Variants in SYNE2 observed in about 807,000 individuals in gnomAD.
SYNE2 encodes spectrin repeat containing nuclear envelope protein 2, also known as nesprin-2.
In SYNE2, 431 loss-of-function variants were observed where a neutral mutation model predicts 856.3. The observed-to-expected ratio is 0.50, with a 90% CI of 0.47 to 0.55. The LOEUF (loss-of-function observed/expected upper bound fraction) is 0.55. Among genes scored for constraint, SYNE2 ranks in the 20% least tolerant of loss-of-function variants. The pLI is 0.00. For synonymous variants in SYNE2, 2,923 were observed against 2,872.3 expected (o/e 1.02, Z -0.56); for missense variants, 8,129 against 8,023.2 (o/e 1.01, Z -0.50).
chr14:63,935,874 C>CATT (rs917081205), intron 2 of SYNE2, among the ~76,000 whole-genome samples: 38 of 151,938 alleles, frequency 2.5e-4, no homozygotes, highest in African/African-American at 5.5e-4. Context: ...GAAAACAAAA[C>CATT]ATTATTATTA....
chr14:63,845,823 C>A (rs1457977635), intron 1 of SYNE2, among the ~76,000 whole-genome samples: 2 of 151,074 alleles, frequency 1.3e-5, no homozygotes, highest in African/African-American at 4.9e-5. Context: ...TCACTGCAAC[C>A]TTCACCTCCC....
intron 1 of SYNE2, among the ~76,000 whole-genome samples, chr14:63,906,684 C>T (rs1292417240): frequency 6.6e-6 from 1 of 152,162 alleles, no homozygotes; most frequent in East Asian, 1.9e-4. Context: ...TGGATCTTCT[C>T]AGAGACATTC....
At chr14:64,032,553 C>G (rs533367829) in intron 45 of SYNE2, among the ~76,000 whole-genome samples, 1 of 99,630 alleles carries the variant, frequency 1.0e-5, no homozygotes, top group African/African-American at 3.9e-5. Context: ...CAGAGTGAGA[C>G]CCTATCTCTA....
intron 53 of SYNE2, chr14:64,075,612 TTTTG>T: frequency 5.0e-6 from 1 of 200,348 alleles, no homozygotes; most frequent in Non-Finnish European, 1.0e-5. Flanking sequence ...TTTTTTTTTT[TTTTG>T]CTGCTTGCAG....
intron 107 of SYNE2, 89 bp downstream of exon 107, chr14:64,215,443 C>T: frequency 7.6e-7 from 1 of 1,313,504 alleles, no homozygotes; most frequent in Non-Finnish European, 1.1e-6. Context: ...GTGTCTACCT[C>T]TGCCTTCTGT....
chr14:63,835,171 G>A (rs1889807105), intron 1 of SYNE2, among the ~76,000 whole-genome samples: 1 of 152,186 alleles, frequency 6.6e-6, no homozygotes, highest in African/African-American at 2.4e-5. Context: ...TCATGGATAT[G>A]TAATTATTGT....
intron 30 of SYNE2, among the ~76,000 whole-genome samples, chr14:64,006,132 G>A (rs984586508): frequency 2.6e-5 from 4 of 152,198 alleles, no homozygotes; most frequent in African/African-American, 7.2e-5. Flanking sequence ...GGAGTGAATT[G>A]AAGAGAAAAT....
chr14:64,074,074 A>G lies in SYNE2; in HGVS notation c.10804A>G (p.Thr3602Ala). The G allele has an allele frequency of 6.2e-7, 1 of 1,614,238 alleles. No individual in the cohort carries two copies. Among genetic ancestry groups the G allele is most frequent in the Middle Eastern group, 1.6e-4 (1 of 6,062 alleles). ...IIALKNFFQQTTTSFQNMAFQ... is the reference protein window; with the variant it reads ...IIALKNFFQQATTSFQNMAFQ... ...TGCTTTGAAGAATTTCTTTCAACAG[A>G]CCACAACTTCATTCCAAAATATGGC... Residue 3602 changes from threonine to alanine, a missense_variant, in exon 53 of 116, where the codon ACC (threonine) becomes GCC (alanine). Thr to Ala is a moderately conservative substitution (Grantham distance 58). Around this residue, in one of 3 missense-constraint regions of SYNE2, gnomAD observed 5,410 missense variants for 5,284.8 expected, o/e 1.02. Transcript: ENST00000555002.
intron 1 of SYNE2, among the ~76,000 whole-genome samples, chr14:63,856,537 CAT>C (rs1312309253): frequency 6.6e-6 from 1 of 152,170 alleles, no homozygotes; most frequent in Non-Finnish European, 1.5e-5. Context: ...AAATTGGAAA[CAT>C]ACAATCATTT....
At position 64,223,275 on chromosome 14, in the gene SYNE2, A is replaced by G; in HGVS notation, c.20277A>G (p.Gly6759=). ...ACAGCCTTCTCATTAAGGGACATGG[A>G]GAAGACTGTATTGAAGCTGAAGAAA... The part of the protein sequence containing the change: ...ISNSLLIKGH[G]EDCIEAEEKV... The change falls in exon 113 of 116, where the codon GGA becomes GGG. Residue 6759 remains glycine (G), a synonymous_variant. Coordinates refer to ENST00000555002, the MANE Select transcript of SYNE2 (RefSeq NM_182914.3). 1 of 1,614,218 alleles carries G rather than the reference A, an allele frequency of 6.2e-7. No individual in the cohort carries two copies. The highest frequency in any genetic ancestry group is 1.3e-5 in the African/African-American group (1 of 75,062).
chr14:64,022,604 A>G lies in SYNE2; in HGVS notation c.5525-147A>G, dbSNP rs1188390071. The G allele has an allele frequency of 1.5e-5, 10 of 677,606 alleles. No individual in the cohort carries two copies. In the Admixed American group the frequency reaches 1.6e-4, roughly 11 times the overall value. 42.0% of individuals were successfully genotyped at this position (677,606 alleles called of 1,614,324 possible). A position where few individuals can be genotyped will look rare whatever the true frequency, so the allele number is the denominator to read the frequency against. ...GGTGAAACCTTGTCTAGGCTTTATT[A>G]GCCCTCAAAATTGGGTTTCAGAGGT... On this transcript the variant is annotated intron_variant, in intron 37 of 115. Transcript: ENST00000555002.
At chr14:63,872,226 C>T (rs751153877) in intron 1 of SYNE2, among the ~76,000 whole-genome samples, 8 of 150,962 alleles carry the variant, frequency 5.3e-5, no homozygotes, top group Admixed American at 2.0e-4. Flanking sequence ...GTCAGGAGTT[C>T]GAGACCATCT....
intron 1 of SYNE2, among the ~76,000 whole-genome samples, chr14:63,788,530 C>T (rs1887622660): frequency 6.6e-6 from 1 of 152,072 alleles, no homozygotes; most frequent in South Asian, 2.1e-4. Context: ...TGGGTGGCTA[C>T]AGCCTGTCCA....
At chr14:64,149,171 G>A (rs2098217645) in intron 84 of SYNE2, among the ~76,000 whole-genome samples, 1 of 151,646 alleles carries the variant, frequency 6.6e-6, no homozygotes, top group Non-Finnish European at 1.5e-5. Context: ...TGGGCATAGT[G>A]TTGCACACCT....
chr14:64,031,191 A>T lies in SYNE2; in HGVS notation c.7055A>T (p.Glu2352Val), dbSNP rs752190689. 6.2e-7 allele frequency: 1 copy of T among 1,614,090 alleles called. No homozygotes were observed. The highest frequency in any genetic ancestry group is 1.7e-5 in the Admixed American group (1 of 60,004). Reference sequence around the variant, plus strand: ...AACAGGCTTGCATCTGCTAAGCAGGAGATGGAATGTTGTCTCAACAGCATT... The same window carrying T: ...AACAGGCTTGCATCTGCTAAGCAGGTGATGGAATGTTGTCTCAACAGCATT... ...LENRLASAKQ[E>V]MECCLNSILK... Residue 2352 changes from glutamate to valine, a missense_variant, in exon 45 of 116, where the codon GAG becomes GTG. By Grantham distance (121) the Glu-to-Val change is moderately radical. Around this residue, in one of 3 missense-constraint regions of SYNE2, gnomAD observed 297 missense variants for 380.9 expected, o/e 0.78. Transcript: ENST00000555002.
At chr14:64,115,608 C>G (rs1167967939) in intron 66 of SYNE2, among the ~76,000 whole-genome samples, 1 of 152,060 alleles carries the variant, frequency 6.6e-6, no homozygotes, top group African/African-American at 2.4e-5. Context: ...TTAAAATATG[C>G]TTATTTGGGC....
At position 64,199,730 on chromosome 14, in the gene SYNE2, A is replaced by AAAAT. The variant is rs1567622147; in HGVS notation, c.18039-3068_18039-3067insTAAA. On this transcript the variant is annotated intron_variant, in intron 99 of 115. Coordinates refer to ENST00000555002, the MANE Select transcript of SYNE2 (RefSeq NM_182914.3). ...CTCTGTCTCAAAAAAAAAAAAAAAA[A>AAAAT]AAAAAAGTACATGAGTTGCTAACAT... is the stretch of plus-strand genomic sequence containing the variant. Among the ~76,000 whole-genome samples, 647 of 151,668 alleles carry AAAAT rather than the reference A, an allele frequency of 4.3e-3. 9 individuals carry two copies. The highest frequency in any genetic ancestry group is 0.015 in the African/African-American group (622 of 41,194).
intron 64 of SYNE2, among the ~76,000 whole-genome samples, 162 bp from the exon 65 acceptor site, chr14:64,107,329 A>T (rs574976807): frequency 1.3e-5 from 2 of 152,272 alleles, no homozygotes; most frequent in East Asian, 3.9e-4. Flanking sequence ...GGGGAAGCTG[A>T]TTTTTTCCCT....
At position 64,216,345 on chromosome 14, in the gene SYNE2, A is replaced by G. The variant is rs1237787599; in HGVS notation, c.19500A>G (p.Pro6500=). 6.2e-7 allele frequency: 1 copy of G among 1,614,120 alleles called. No homozygotes were observed. ...AAATGGAAGGTGACAGGAATGTTCC[A>G]CCTGTTCCCCCTGCGTCCAGCACCC... ...YKQMEGDRNV[P]PVPPASSTPY... is the part of the protein sequence containing the mutation. The change falls in exon 108 of 116, where the codon CCA becomes CCG. Residue 6500 remains proline (P), a synonymous_variant. Coordinates refer to ENST00000555002, the MANE Select transcript of SYNE2 (RefSeq NM_182914.3).
Sources: gnomAD v4.1 joint callset for allele counts (sites outside exome capture counted in the v4.1 genomes callset) on GRCh38, gnomAD v4.1.1 for gene constraint, gnomAD v4.1.1 regional missense constraint, MANE v1.5 for transcripts, NCBI Gene and HGNC (gene_info 2026-07-23, HGNC 2026-07-21) for gene names.